PTPRT: variants seen among roughly 807,000 people sequenced by gnomAD.
PTPRT encodes the protein receptor-type tyrosine-protein phosphatase T.
In PTPRT, 56 loss-of-function variants were observed where a neutral mutation model predicts 176.8. That is an observed-to-expected ratio of 0.32 (90% confidence interval 0.26 to 0.40). The LOEUF (loss-of-function observed/expected upper bound fraction) is 0.40. Among genes scored for constraint, PTPRT ranks in the 10% least tolerant of loss-of-function variants. The pLI is 1.00. For missense variants in PTPRT, 1,540 were observed against 1,908.2 expected (o/e 0.81, Z 3.60); for synonymous variants, 783 against 739.0 (o/e 1.06, Z -0.96).
At chr20:42,550,368 G>A (rs2072747205) in intron 7 of PTPRT, among the ~76,000 whole-genome samples, 1 of 152,138 alleles carries the variant, frequency 6.6e-6, no homozygotes, top group African/African-American at 2.4e-5. Context: ...GGGAGAGAGG[G>A]AGGAAATGAA....
intron 1 of PTPRT, among the ~76,000 whole-genome samples, chr20:43,130,014 GCCAAAACAA>G (rs1468471550): frequency 6.6e-6 from 1 of 152,192 alleles, no homozygotes; most frequent in Admixed American, 6.5e-5. Flanking sequence ...AAGAATTTAA[GCCAAAACAA>G]CTAAGTTGAT....
intron 2 of PTPRT, among the ~76,000 whole-genome samples, chr20:42,829,066 G>A (rs1017876387): frequency 2.0e-5 from 3 of 152,108 alleles, no homozygotes; most frequent in Non-Finnish European, 2.9e-5. Flanking sequence ...ATCCAGAAGG[G>A]GGGCTATACC....
At chr20:42,266,365 G>A (rs969112552) in intron 13 of PTPRT, among the ~76,000 whole-genome samples, 1 of 152,160 alleles carries the variant, frequency 6.6e-6, no homozygotes, top group Non-Finnish European at 1.5e-5. Context: ...CTGGCCTCCA[G>A]ACTGGACACT....
chr20:42,089,829 AG>A (rs1378119152), intron 27 of PTPRT, among the ~76,000 whole-genome samples: 2 of 152,266 alleles, frequency 1.3e-5, no homozygotes, highest in African/African-American at 2.4e-5. Flanking sequence ...GAAAGAAAGC[AG>A]GGGGGCCATG....
At chr20:42,176,873 G>T (rs1189528486) in intron 16 of PTPRT, among the ~76,000 whole-genome samples, 2 of 152,096 alleles carry the variant, frequency 1.3e-5, no homozygotes, top group African/African-American at 4.8e-5. Flanking sequence ...GAAAGAGTTT[G>T]CCATTGTTGT....
intron 15 of PTPRT, among the ~76,000 whole-genome samples, chr20:42,209,310 A>G (rs1600679425): frequency 1.3e-5 from 2 of 152,282 alleles, no homozygotes; most frequent in Non-Finnish European, 2.9e-5. Context: ...GCAGAACTGA[A>G]GGAAATAGAG....
chr20:42,135,439 C>T (rs908350620), intron 18 of PTPRT, among the ~76,000 whole-genome samples: 1 of 152,216 alleles, frequency 6.6e-6, no homozygotes. Context: ...AGCCCAGACT[C>T]ACTGAATCAG....
intron 1 of PTPRT, among the ~76,000 whole-genome samples, chr20:43,076,373 T>C (rs940045929): frequency 6.6e-6 from 1 of 151,878 alleles, no homozygotes; most frequent in Non-Finnish European, 1.5e-5. Flanking sequence ...CCATGCAATA[T>C]ATTTAATAGG....
At chr20:42,412,039 A>T (rs919812358) in intron 9 of PTPRT, among the ~76,000 whole-genome samples, 1 of 152,240 alleles carries the variant, frequency 6.6e-6, no homozygotes. Context: ...ATAAAGTACA[A>T]AACAAAGAAA....
chr20:42,411,573 C>T (rs1324778410), intron 9 of PTPRT, among the ~76,000 whole-genome samples: 1 of 147,340 alleles, frequency 6.8e-6, no homozygotes, highest in Non-Finnish European at 1.5e-5. Flanking sequence ...ACTGACAAGT[C>T]TCTAGCCAGA....
intron 2 of PTPRT, among the ~76,000 whole-genome samples, chr20:42,880,046 G>A (rs1030626258): frequency 1.3e-5 from 2 of 152,162 alleles, no homozygotes; most frequent in Admixed American, 6.5e-5. Context: ...CCCATTTTAC[G>A]AAGGTGGGAG....
chr20:42,953,937 A>T (rs1382378573), intron 1 of PTPRT, among the ~76,000 whole-genome samples: 1 of 152,154 alleles, frequency 6.6e-6, no homozygotes, highest in Middle Eastern at 3.2e-3. Context: ...ATGGCCATAT[A>T]TCCCATGAAG....
At chr20:43,082,831 C>T (rs1385528360) in intron 1 of PTPRT, among the ~76,000 whole-genome samples, 1 of 152,048 alleles carries the variant, frequency 6.6e-6, no homozygotes, top group Non-Finnish European at 1.5e-5. Flanking sequence ...TATCAGGCCT[C>T]CCAGATAGTA....
intron 7 of PTPRT, among the ~76,000 whole-genome samples, chr20:42,566,707 T>C (rs1231329815): frequency 9.2e-5 from 14 of 152,160 alleles, no homozygotes; most frequent in Admixed American, 6.5e-4. Flanking sequence ...TAAAGGACTA[T>C]TGCTCCTGTT....
intron 22 of PTPRT, among the ~76,000 whole-genome samples, chr20:42,113,454 C>T (rs747227208): frequency 6.6e-6 from 1 of 152,212 alleles, no homozygotes; most frequent in Non-Finnish European, 1.5e-5. Flanking sequence ...TTTCAATTGT[C>T]CCCTTCTCTG....
intron 7 of PTPRT, among the ~76,000 whole-genome samples, chr20:42,648,976 G>A: frequency 6.6e-6 from 1 of 151,808 alleles, no homozygotes; most frequent in East Asian, 1.9e-4. Context: ...CTGCCACCAT[G>A]CCTGGCTAAT....
chr20:42,227,972 T>TA (rs1207113739), intron 15 of PTPRT, among the ~76,000 whole-genome samples: 1 of 152,182 alleles, frequency 6.6e-6, no homozygotes, highest in African/African-American at 2.4e-5. Context: ...ATTTTCTTTC[T>TA]AACCACACTG....
chr20:42,750,311 T>C (rs993097692), intron 6 of PTPRT, among the ~76,000 whole-genome samples: 1 of 152,130 alleles, frequency 6.6e-6, no homozygotes, highest in Non-Finnish European at 1.5e-5. Context: ...TCTGTTTATA[T>C]ATGTTACATA....
intron 2 of PTPRT, among the ~76,000 whole-genome samples, chr20:42,797,776 C>A (rs2077473507): frequency 6.6e-6 from 1 of 152,012 alleles, no homozygotes; most frequent in Admixed American, 6.6e-5. Context: ...ACAAGGGGGC[C>A]AGGAGAGTCA....
Sources: gnomAD v4.1 joint callset for allele counts (sites outside exome capture counted in the v4.1 genomes callset) on GRCh38, gnomAD v4.1.1 for gene constraint, MANE v1.5 for transcripts, NCBI Gene and HGNC (gene_info 2026-07-23, HGNC 2026-07-21) for gene names.